The following SEZ6L variants were observed in gnomAD, a reference collection of about 807,000 sequenced individuals.
The protein encoded by SEZ6L is seizure related 6 homolog like.
Under a neutral mutation model 106.2 loss-of-function variants are expected in SEZ6L, and 37 were observed. That is an observed-to-expected ratio of 0.35 (90% CI 0.27 to 0.46). SEZ6L has a LOEUF of 0.46. Among genes scored for constraint, SEZ6L ranks in the 20% least tolerant of loss-of-function variants. The probability of loss-of-function intolerance (pLI) is 1.00; values close to 1 mark genes in which losing one functional copy is unlikely to be tolerated. For synonymous variants in SEZ6L, 541 were observed against 570.4 expected (o/e 0.95, Z 0.73); for missense variants, 1,172 against 1,332.8 (o/e 0.88, Z 1.88).
intron 4 of SEZ6L, among the ~76,000 whole-genome samples, chr22:26,297,884 AT>A (rs1459563769): frequency 6.9e-6 from 1 of 144,100 alleles, no homozygotes; most frequent in Non-Finnish European, 1.5e-5. Flanking sequence ...CTCCACCCCG[AT>A]TTCCTCCTAT....
At chr22:26,249,062 CTT>C (rs1334730645) in intron 1 of SEZ6L, among the ~76,000 whole-genome samples, 1 of 152,132 alleles carries the variant, frequency 6.6e-6, no homozygotes, top group Non-Finnish European at 1.5e-5. Flanking sequence ...ATATAATAAT[CTT>C]ATGTATTTAT....
chr22:26,213,677 T>C (rs1250482224), intron 1 of SEZ6L, among the ~76,000 whole-genome samples: 1 of 151,872 alleles, frequency 6.6e-6, no homozygotes, highest in Non-Finnish European at 1.5e-5. Flanking sequence ...TAAATTAGAG[T>C]GTGGATTTTA....
chr22:26,345,039 A>G (rs1220472122), intron 10 of SEZ6L, among the ~76,000 whole-genome samples: 3 of 152,076 alleles, frequency 2.0e-5, no homozygotes, highest in Non-Finnish European at 4.4e-5. Context: ...AAAAAAATAC[A>G]TGTTCCTGAG....
At chr22:26,258,220 T>C (rs1041230058) in intron 1 of SEZ6L, among the ~76,000 whole-genome samples, 6 of 152,156 alleles carry the variant, frequency 3.9e-5, no homozygotes, top group Admixed American at 2.0e-4. Flanking sequence ...TACATATCCA[T>C]TCATTCAACA....
intron 1 of SEZ6L, among the ~76,000 whole-genome samples, chr22:26,259,002 G>A (rs1192472029): frequency 6.6e-6 from 1 of 152,186 alleles, no homozygotes; most frequent in Non-Finnish European, 1.5e-5. Context: ...AGGAAGAGAA[G>A]ATATTAGTTT....
chr22:26,379,398 G>A (rs28692821), intron 16 of SEZ6L, among the ~76,000 whole-genome samples: 1 of 152,198 alleles, frequency 6.6e-6, no homozygotes, highest in African/African-American at 2.4e-5. Flanking sequence ...ACCCCACAAA[G>A]GCATGAGCCC....
At chr22:26,261,034 T>C (rs2079986788) in intron 1 of SEZ6L, among the ~76,000 whole-genome samples, 1 of 152,228 alleles carries the variant, frequency 6.6e-6, no homozygotes, top group South Asian at 2.1e-4. Context: ...ATATCTTCTT[T>C]TGAGAATTAT....
At chr22:26,352,819 G>C (rs892602247) in intron 12 of SEZ6L, among the ~76,000 whole-genome samples, 1 of 152,150 alleles carries the variant, frequency 6.6e-6, no homozygotes, top group Non-Finnish European at 1.5e-5. Flanking sequence ...ACAGAGTATG[G>C]CCAAATTCAC....
At chr22:26,231,777 G>A (rs1255965102) in intron 1 of SEZ6L, among the ~76,000 whole-genome samples, 1 of 152,186 alleles carries the variant, frequency 6.6e-6, no homozygotes, top group Non-Finnish European at 1.5e-5. Context: ...CTGCCCCCAC[G>A]ATGCAGAAGC....
At chr22:26,290,042 T>G (rs991163095) in intron 1 of SEZ6L, among the ~76,000 whole-genome samples, 10 of 152,200 alleles carry the variant, frequency 6.6e-5, no homozygotes, top group African/African-American at 2.2e-4. Context: ...CCTAAGTGCT[T>G]TGCATACATC....
At chr22:26,215,916 C>T (rs941604373) in intron 1 of SEZ6L, among the ~76,000 whole-genome samples, 28 of 152,198 alleles carry the variant, frequency 1.8e-4, no homozygotes, top group African/African-American at 6.5e-4. Context: ...GTGATGAGCT[C>T]GCTTTGCAAG....
At chr22:26,314,017 G>A in intron 9 of SEZ6L, 115 bp downstream of exon 9, 3 of 1,060,394 alleles carry the variant, frequency 2.8e-6, no homozygotes, top group South Asian at 1.5e-5. Flanking sequence ...CTATGTGCCG[G>A]GACTATGCAG....
At chr22:26,228,647 T>A (rs2078706245) in intron 1 of SEZ6L, among the ~76,000 whole-genome samples, 1 of 152,146 alleles carries the variant, frequency 6.6e-6, no homozygotes, top group African/African-American at 2.4e-5. Context: ...TAATCTAATA[T>A]GAATGGTAGT....
chr22:26,327,138 T>C (rs1207010278), intron 9 of SEZ6L, among the ~76,000 whole-genome samples: 1 of 151,998 alleles, frequency 6.6e-6, no homozygotes, highest in Non-Finnish European at 1.5e-5. Flanking sequence ...CTGTCAACTC[T>C]TCCTCCAGCA....
chr22:26,172,148 G>A (rs547171419), intron 1 of SEZ6L, among the ~76,000 whole-genome samples: 3 of 152,216 alleles, frequency 2.0e-5, no homozygotes, highest in South Asian at 4.2e-4. Context: ...AGACTGCAAA[G>A]CCTAAGAATA....
intron 1 of SEZ6L, chr22:26,292,141 AAAGAAAGG>A (rs1216248918): frequency 1.9e-4 from 57 of 301,926 alleles, no homozygotes; most frequent in African/African-American, 1.2e-3. Context: ...GGAAAGAAAG[AAAGAAAGG>A]AAGGAAGGAA....
Position 26,347,795 on chromosome 22 carries a change from G to C in SEZ6L, c.2289G>C (p.Leu763Phe), listed in dbSNP as rs780913031. The C allele has an allele frequency of 6.2e-7, 1 of 1,609,312 alleles. No homozygotes were observed. Among genetic ancestry groups the C allele is most frequent in the South Asian group, 1.1e-5 (1 of 90,240 alleles). The change falls in exon 11 of 17, where the codon TTG becomes TTC. Residue 763 changes from leucine (L) to phenylalanine (F), a missense_variant. By Grantham distance (22) the Leu-to-Phe change is conservative. Coordinates refer to ENST00000248933, the MANE Select transcript of SEZ6L (RefSeq NM_021115.5). ...NGWKTTSHTE[L>F]VRGARITYQC... ...GGAAAACCACTTCTCACACGGAGTT[G>C]GTGCGGGGAGCCAGAATCACCTACC...
chr22:26,303,895 C>T (rs111476866), intron 5 of SEZ6L, among the ~76,000 whole-genome samples: 1,787 of 152,238 alleles, frequency 0.012, 43 homozygotes, highest in African/African-American at 0.041. Flanking sequence ...TTTCAAGCTC[C>T]TTTGATCCTC....
In SEZ6L at chr22:26,378,389, A is replaced by G. The variant is rs2146090798; in HGVS notation, c.3045+614A>G. 1.3e-5 allele frequency among the ~76,000 whole-genome samples: 2 copies of G among 152,334 alleles called. 1 individual carries two copies. The highest frequency in any genetic ancestry group is 6.8e-3 in the Middle Eastern group (2 of 294). On this transcript the variant is annotated intron_variant, in intron 16 of 16. Transcript: ENST00000248933. ...AGAGAGAGGAAAGAATAATTTGGCC[A>G]AAGTGGCACACAGCCAGGATGCACA...
Sources: allele counts gnomAD v4.1 joint callset (sites outside exome capture counted in the v4.1 genomes callset), GRCh38; gene constraint gnomAD v4.1.1; transcripts MANE v1.5; gene names NCBI Gene and HGNC (gene_info 2026-07-23, HGNC 2026-07-21).